Variants in FAM222B observed in about 807,000 individuals in gnomAD.
The protein encoded by FAM222B is protein FAM222B.
Under a neutral mutation model 38.0 loss-of-function variants are expected in FAM222B, and 12 were observed. The observed-to-expected ratio is 0.32, with a 90% confidence interval of 0.20 to 0.51. FAM222B has a LOEUF of 0.51. Ranked by LOEUF, FAM222B falls within the 20% of genes least tolerant of loss-of-function variation. FAM222B has a pLI of 0.97. For synonymous variants in FAM222B, 329 were observed against 317.2 expected, an observed-to-expected ratio of 1.04 and a Z score of -0.40; for missense variants, 716 against 754.2, an observed-to-expected ratio of 0.95 and a Z score of 0.59.
At chr17:28,836,379 C>T (rs1413597597) in intron 1 of FAM222B, among the ~76,000 whole-genome samples, 4 of 152,032 alleles carry the variant, frequency 2.6e-5, no homozygotes, top group Non-Finnish European at 5.9e-5. Flanking sequence ...AGCCAGCATA[C>T]GCCTGTAATC....
chr17:28,776,375 CA>C (rs35900323), intron 1 of FAM222B, among the ~76,000 whole-genome samples: 2,102 of 62,458 alleles, frequency 0.034, 9 homozygotes, highest in Non-Finnish European at 0.046. Context: ...GACTCCGTCT[CA>C]AAAAAAAAAA....
At chr17:28,810,428 AC>A (rs1484169081) in intron 1 of FAM222B, among the ~76,000 whole-genome samples, 1 of 151,844 alleles carries the variant, frequency 6.6e-6, no homozygotes, top group Non-Finnish European at 1.5e-5. Context: ...TGTTTTACAT[AC>A]TAGCTAACTC....
chr17:28,854,285 A>G (rs1027564299), intron 1 of FAM222B, among the ~76,000 whole-genome samples: 1 of 152,212 alleles, frequency 6.6e-6, no homozygotes, highest in African/African-American at 2.4e-5. Flanking sequence ...AAGGATGAAG[A>G]GGGCTCAAGG....
chr17:28,838,131 G>A (rs2038912162), intron 1 of FAM222B, among the ~76,000 whole-genome samples: 1 of 152,100 alleles, frequency 6.6e-6, no homozygotes, highest in Non-Finnish European at 1.5e-5. Flanking sequence ...CCGGGCAGTA[G>A]TGCCATGCCT....
chr17:28,799,297 CTTTTTT>C (rs35660613), intron 1 of FAM222B, among the ~76,000 whole-genome samples: 1 of 110,936 alleles, frequency 9.0e-6, no homozygotes. Flanking sequence ...CACAGAAAAA[CTTTTTT>C]TTTTTTTTTT....
chr17:28,796,385 C>T (rs1179934413), intron 1 of FAM222B, among the ~76,000 whole-genome samples: 1 of 152,126 alleles, frequency 6.6e-6, no homozygotes, highest in Non-Finnish European at 1.5e-5. Flanking sequence ...CAGTTAATAC[C>T]CAGCATGTTG....
intron 1 of FAM222B, among the ~76,000 whole-genome samples, chr17:28,768,073 G>A (rs1398265128): frequency 6.6e-6 from 1 of 152,168 alleles, no homozygotes; most frequent in Non-Finnish European, 1.5e-5. Context: ...CATTGATGGG[G>A]CCTTCTGTAG....
chr17:28,797,648 C>T (rs1002304490), intron 1 of FAM222B, among the ~76,000 whole-genome samples: 8 of 152,128 alleles, frequency 5.3e-5, no homozygotes, highest in Non-Finnish European at 2.9e-5. Flanking sequence ...CAATATCTTA[C>T]ATTTGTAGGG....
chr17:28,843,938 T>C (rs1380730839), upstream of FAM222B, among the ~76,000 whole-genome samples: 1 of 152,222 alleles, frequency 6.6e-6, no homozygotes, highest in African/African-American at 2.4e-5. Flanking sequence ...ATCAAGCACA[T>C]GCTGTTTATT....
chr17:28,821,939 T>C (rs1301209021), intron 1 of FAM222B, among the ~76,000 whole-genome samples: 1 of 151,916 alleles, frequency 6.6e-6, no homozygotes, highest in African/African-American at 2.4e-5. Context: ...CACTCCAGCC[T>C]GGGCGACAGA....
intron 1 of FAM222B, among the ~76,000 whole-genome samples, chr17:28,792,225 T>A (rs1280835420): frequency 1.4e-5 from 2 of 147,806 alleles, no homozygotes; most frequent in Admixed American, 1.4e-4. Context: ...GGCAAGAGAA[T>A]GGCGTGAACC....
chr17:28,839,960 G>A (rs1775485113), intron 1 of FAM222B, among the ~76,000 whole-genome samples: 1 of 151,346 alleles, frequency 6.6e-6, no homozygotes, highest in South Asian at 2.1e-4. Flanking sequence ...CCTTTACTCA[G>A]GTAAAAGACC....
At chr17:28,790,884 C>CAATTTTTTTTTTTTT (rs71135852) in intron 1 of FAM222B, among the ~76,000 whole-genome samples, 1 of 86,062 alleles carries the variant, frequency 1.2e-5, no homozygotes, top group African/African-American at 4.6e-5. Context: ...AATTGTTTCA[C>CAATTTTTTTTTTTTT]TTTTTTTTTT....
At chr17:28,770,086 C>T (rs756274096) in intron 1 of FAM222B, among the ~76,000 whole-genome samples, 1 of 152,096 alleles carries the variant, frequency 6.6e-6, no homozygotes, top group African/African-American at 2.4e-5. Flanking sequence ...CTGTTGTTAA[C>T]TCCTCTATTT....
chr17:28,788,914 G>T (rs2036537240), intron 1 of FAM222B, among the ~76,000 whole-genome samples: 1 of 151,084 alleles, frequency 6.6e-6, no homozygotes, highest in Non-Finnish European at 1.5e-5. Context: ...CCTAATTTTT[G>T]TATTTTTAGT....
chr17:28,774,614 C>G (rs2035797487), intron 1 of FAM222B, among the ~76,000 whole-genome samples: 1 of 152,146 alleles, frequency 6.6e-6, no homozygotes, highest in South Asian at 2.1e-4. Flanking sequence ...TGCCCCCGAC[C>G]AGAAGAGGTT....
chr17:28,851,934 CCCAGCTACCTGGG>C (rs2039184810), intron 1 of FAM222B, among the ~76,000 whole-genome samples: 1 of 151,486 alleles, frequency 6.6e-6, no homozygotes, highest in Non-Finnish European at 1.5e-5. Context: ...CATCTGTAGT[CCCAGCTACCTGGG>C]AGGCTAAAAT....
intron 1 of FAM222B, among the ~76,000 whole-genome samples, chr17:28,852,311 G>C (rs1425161878): frequency 1.3e-5 from 2 of 151,868 alleles, no homozygotes; most frequent in Admixed American, 1.3e-4. Context: ...AGCCAAGATC[G>C]TGCCACTGCA....
upstream of FAM222B, among the ~76,000 whole-genome samples, chr17:28,846,902 C>T (rs570808442): frequency 1.8e-4 from 27 of 151,966 alleles, 1 homozygote; most frequent in Non-Finnish European, 3.1e-4. Flanking sequence ...GCCTGGGCAA[C>T]GTAGTGAGAC....
Sources: allele counts gnomAD v4.1 joint callset (sites outside exome capture counted in the v4.1 genomes callset), GRCh38; gene constraint gnomAD v4.1.1; transcripts MANE v1.5; gene names NCBI Gene and HGNC (gene_info 2026-07-23, HGNC 2026-07-21).